Variants in TFB1M observed in about 807,000 individuals in gnomAD.
TFB1M encodes the protein dimethyladenosine transferase 1, mitochondrial.
A neutral mutation model predicts 31.1 loss-of-function variants in TFB1M; 27 were observed. That is an observed-to-expected ratio of 0.87 (90% CI 0.64 to 1.20). The LOEUF (loss-of-function observed/expected upper bound fraction) is 1.20, where lower values mean the gene tolerates loss of function less well. Among genes scored for constraint, TFB1M ranks in the 50% most tolerant of loss-of-function variants. The probability of loss-of-function intolerance (pLI) is 0.00; values close to 1 mark genes in which losing one functional copy is unlikely to be tolerated. For synonymous variants in TFB1M, 166 were observed against 151.8 expected (o/e 1.09, Z -0.69); for missense variants, 394 against 418.7 (o/e 0.94, Z 0.51).
At chr6:155,249,742 G>T in the TFB1M span, 2 of 832,692 alleles carry the variant, frequency 2.4e-6, no homozygotes, top group African/African-American at 3.4e-5. Context: ...CTGCTAGTGG[G>T]TACTGGTCTG....
chr6:155,292,216 G>C (rs1776957573), intron 4 of TFB1M, among the ~76,000 whole-genome samples: 1 of 152,154 alleles, frequency 6.6e-6, no homozygotes, highest in African/African-American at 2.4e-5. Context: ...TCGGCAGGCA[G>C]AATTTGTGGG....
At chr6:155,268,282 A>G (rs1055596831) in intron 5 of TFB1M, among the ~76,000 whole-genome samples, 5 of 152,180 alleles carry the variant, frequency 3.3e-5, no homozygotes, top group Admixed American at 6.5e-5. Flanking sequence ...AAACACTCTG[A>G]TGGTTCACAC....
chr6:155,231,580 C>A, the TFB1M span, among the ~76,000 whole-genome samples: 1 of 152,214 alleles, frequency 6.6e-6, no homozygotes, highest in East Asian at 1.9e-4. Context: ...CATGCCGGTC[C>A]AGGAGAAACT....
At chr6:155,252,927 T>G (rs369003828), downstream of TFB1M, 29 of 1,604,348 alleles carry the variant, frequency 1.8e-5, no homozygotes, top group South Asian at 2.1e-4. Flanking sequence ...ACACTTTTCT[T>G]GGTGGGCCTT....
chr6:155,304,739 G>A (rs1256701264), intron 2 of TFB1M, among the ~76,000 whole-genome samples: 1 of 151,692 alleles, frequency 6.6e-6, no homozygotes, highest in Non-Finnish European at 1.5e-5. Flanking sequence ...GAAAATGGCG[G>A]AGCAACTTTT....
chr6:155,304,040 G>A (rs1777554616), intron 2 of TFB1M, among the ~76,000 whole-genome samples: 1 of 152,136 alleles, frequency 6.6e-6, no homozygotes, highest in African/African-American at 2.4e-5. Context: ...CCAAAGGTTA[G>A]GAGGCCAAGG....
downstream of TFB1M, chr6:155,254,223 TTAAA>T: frequency 1.0e-6 from 1 of 989,684 alleles, no homozygotes; most frequent in Non-Finnish European, 1.5e-6. Context: ...ACTATGTTGA[TTAAA>T]TAAATATCAA....
rs1784181581 is a variant in TFB1M at position 155,257,927 on chromosome 6, A to AGTT, written c.947_949dup (p.Gln316dup). On this transcript the variant is annotated inframe_insertion, in exon 7 of 7. Transcript: ENST00000367166. Reference sequence around the variant, plus strand: ...TTCTTCTCTGAAATTATATGCAAAGAGTTGTGGGTCTTCATCACACATTTT... The same window carrying AGTT: ...TTCTTCTCTGAAATTATATGCAAAGAGTTGTTGTGGGTCTTCATCACACATTTT... 5.0e-6 allele frequency: 8 copies of AGTT among 1,614,114 alleles called. No homozygotes were observed. The highest frequency in any genetic ancestry group is 1.6e-4 in the Middle Eastern group (1 of 6,062).
intron 4 of TFB1M, among the ~76,000 whole-genome samples, chr6:155,291,616 C>CT (rs1217501117): frequency 6.6e-6 from 1 of 152,210 alleles, no homozygotes; most frequent in Non-Finnish European, 1.5e-5. Context: ...TGACTGACAT[C>CT]TTGGGCTGAT....
chr6:155,314,415 C>A lies in TFB1M; in HGVS notation c.14G>T (p.Gly5Val), dbSNP rs565754803. Residue 5 changes from glycine (G) to valine (V), a missense_variant, in exon 1 of 7, where the codon GGA becomes GTA. Physicochemically the swap from Gly to Val is moderately radical, Grantham distance 109 (BLOSUM62 -3). Around this residue, in one of 3 missense-constraint regions of TFB1M, gnomAD observed 273 missense variants for 256.4 expected, o/e 1.06. Transcript: ENST00000367166. ...AGGGAGACGGCAAGTGCTGAGTTTT[C>A]CGGAGGCAGCCATGATACGCGGCAA... MAAS[G>V]KLSTCRLPPL... 6.2e-7 allele frequency: 1 copy of A among 1,614,214 alleles called. No homozygotes were observed. The highest frequency in any genetic ancestry group is 1.3e-5 in the African/African-American group (1 of 75,058).
chr6:155,266,153 T>C (rs1784623838), intron 5 of TFB1M, among the ~76,000 whole-genome samples: 1 of 152,146 alleles, frequency 6.6e-6, no homozygotes, highest in Admixed American at 6.5e-5. Context: ...TATCCTTCAA[T>C]CCAATCAAGT....
intron 2 of TFB1M, among the ~76,000 whole-genome samples, chr6:155,299,214 A>G (rs933438874): frequency 6.6e-6 from 1 of 152,024 alleles, no homozygotes; most frequent in Non-Finnish European, 1.5e-5. Flanking sequence ...AACAATAGCT[A>G]CTTCCCAACC....
chr6:155,239,663 T>A, the TFB1M span, among the ~76,000 whole-genome samples: 1 of 152,184 alleles, frequency 6.6e-6, no homozygotes, highest in Non-Finnish European at 1.5e-5. Flanking sequence ...ATGGTCATGT[T>A]CCTTCTTGTC....
Position 155,260,333 on chromosome 6 carries a change from A to C in TFB1M, c.734T>G (p.Val245Gly). Residue 245 changes from valine to glycine, a missense_variant, in exon 6 of 7, where the codon GTG becomes GGG. Val to Gly is a moderately radical substitution (Grantham distance 109, BLOSUM62 -3). Transcript: ENST00000367166. ...AAATACATTCTGAACCACTTTTTCC[A>C]CCAGCTTGAATGGCTGCTCTATCTT... is the stretch of plus-strand genomic sequence containing the variant. ...QPKIEQPFKL[V>G]EKVVQNVFQF... 1 of 1,614,206 alleles carries C rather than the reference A, an allele frequency of 6.2e-7. No homozygotes were observed. Among genetic ancestry groups the C allele is most frequent in the Non-Finnish European group, 8.5e-7 (1 of 1,180,034 alleles).
chr6:155,243,925 AGCTGCTGCCAGGTT>A, the TFB1M span: 1 of 838,496 alleles, frequency 1.2e-6, no homozygotes, highest in South Asian at 1.4e-5. Context: ...GAGCCTTGGG[AGCTGCTGCCAGGTT>A]GCTGCTACCC....
intron 4 of TFB1M, among the ~76,000 whole-genome samples, chr6:155,295,873 G>A (rs1332863709): frequency 6.6e-6 from 1 of 152,158 alleles, no homozygotes; most frequent in Non-Finnish European, 1.5e-5. Context: ...TATATGGGAT[G>A]ATATGCACAG....
chr6:155,307,149 A>G (rs1777811251), intron 2 of TFB1M, among the ~76,000 whole-genome samples: 1 of 151,488 alleles, frequency 6.6e-6, no homozygotes, highest in Non-Finnish European at 1.5e-5. Context: ...ACACACACAC[A>G]CACACACACA....
At chr6:155,254,752 C>A, downstream of TFB1M, 1 of 687,812 alleles carries the variant, frequency 1.5e-6, no homozygotes, top group Non-Finnish European at 2.3e-6. Flanking sequence ...TAAAATACAG[C>A]CACCCCCAAC....
chr6:155,241,161 C>T, the TFB1M span, among the ~76,000 whole-genome samples: 1 of 152,194 alleles, frequency 6.6e-6, no homozygotes, highest in Admixed American at 6.5e-5. Flanking sequence ...GGGACGCACA[C>T]ACTGGGGAGT....
Sources: gnomAD v4.1 joint callset for allele counts (sites outside exome capture counted in the v4.1 genomes callset) on GRCh38, gnomAD v4.1.1 for gene constraint, gnomAD v4.1.1 regional missense constraint, MANE v1.5 for transcripts, NCBI Gene and HGNC (gene_info 2026-07-23, HGNC 2026-07-21) for gene names.